The following CAST variants were observed in gnomAD, a reference collection of about 807,000 sequenced individuals.
CAST encodes calpastatin, also known as MIR583 host.
CAST carries 76 observed loss-of-function variants against 119.6 expected under a neutral mutation model. The ratio of observed to expected loss-of-function variants is 0.64; its 90% CI spans 0.53 to 0.77. The LOEUF (loss-of-function observed/expected upper bound fraction) is 0.77, where lower values mean the gene tolerates loss of function less well. Ranked by LOEUF, CAST falls within the 30% of genes least tolerant of loss-of-function variation. The probability of loss-of-function intolerance (pLI) is 0.00; values close to 1 mark genes in which losing one functional copy is unlikely to be tolerated. For synonymous variants in CAST, 319 were observed against 331.6 expected, an observed-to-expected ratio of 0.96 and a Z score of 0.41; for missense variants, 953 against 946.5, an observed-to-expected ratio of 1.01 and a Z score of -0.09.
intron 1 of CAST, among the ~76,000 whole-genome samples, chr5:96,649,768 A>G (rs1266550651): frequency 6.6e-6 from 1 of 152,244 alleles, no homozygotes; most frequent in East Asian, 1.9e-4. Flanking sequence ...CGGCATTCAA[A>G]CTGTAAAATA....
the CAST span, chr5:96,425,727 AT>A: frequency 2.0e-5 from 13 of 658,976 alleles, no homozygotes; most frequent in African/African-American, 1.5e-4. Context: ...ATTCTCCATC[AT>A]AAAAAAAAAA....
chr5:96,747,510 A>G, intron 18 of CAST, 118 bp downstream of exon 18: 1 of 600,686 alleles, frequency 1.7e-6, no homozygotes, highest in Non-Finnish European at 2.9e-6. Context: ...CCTAGTACAG[A>G]GGAAAGGGGA....
the CAST span, among the ~76,000 whole-genome samples, chr5:96,078,157 C>T: frequency 6.6e-6 from 1 of 152,160 alleles, no homozygotes; most frequent in Non-Finnish European, 1.5e-5. Context: ...CTAATTCCAT[C>T]GTGACAGCCC....
At chr5:96,447,247 G>A in the CAST span, among the ~76,000 whole-genome samples, 3 of 152,264 alleles carry the variant, frequency 2.0e-5, no homozygotes, top group Admixed American at 6.5e-5. Flanking sequence ...ACAGCTGAAA[G>A]CATGCAGGCC....
Position 96,577,638 on chromosome 5 carries a change from G to C in CAST, c.60+47758G>C, listed in dbSNP as rs374185369. On this transcript the variant is annotated intron_variant, in intron 1 of 11. Transcript: ENST00000505143. Reference sequence around the variant, plus strand: ...TTTCCTTTGAGACTCCCTGTTTGACGTATGAAATATTTAGAAGCATGTTAT... The same window carrying C: ...TTTCCTTTGAGACTCCCTGTTTGACCTATGAAATATTTAGAAGCATGTTAT... 4.0e-5 allele frequency among the ~76,000 whole-genome samples: 6 copies of C among 151,886 alleles called. 1 individual carries two copies. Among genetic ancestry groups the C allele is most frequent in the Non-Finnish European group, 8.8e-5 (6 of 67,958 alleles).
In CAST at chr5:96,727,477, T is replaced by A. The variant is rs1759483600; in HGVS notation, c.337-12T>A. ...TTCCTTCCTTTTTTTCTTTCTTTTT[T>A]TCTGAACTTAGGCTGTAAAAACAGA... is the stretch of plus-strand genomic sequence containing the variant. On this transcript the variant is annotated splice_polypyrimidine_tract_variant and intron_variant, in intron 5 of 31. Transcript: ENST00000675179. The A allele has an allele frequency of 6.7e-7, 1 of 1,495,404 alleles. No individual in the cohort carries two copies. The highest frequency in any genetic ancestry group is 1.4e-5 in the African/African-American group (1 of 71,078). 92.6% of individuals were successfully genotyped at this position (1,495,404 alleles called of 1,614,324 possible). A position where few individuals can be genotyped will look rare whatever the true frequency, so the allele number is the denominator to read the frequency against.
the CAST span, chr5:96,393,257 C>T: frequency 1.7e-5 from 28 of 1,613,934 alleles, no homozygotes; most frequent in East Asian, 2.7e-4. Context: ...TTGCAGGAGT[C>T]GCAGCATGGC....
At chr5:96,044,473 G>A in the CAST span, among the ~76,000 whole-genome samples, 1 of 152,120 alleles carries the variant, frequency 6.6e-6, no homozygotes, top group Non-Finnish European at 1.5e-5. Flanking sequence ...CTAGCCTCCA[G>A]TACTATGAGA....
chr5:95,999,256 G>A, the CAST span, among the ~76,000 whole-genome samples: 1 of 152,004 alleles, frequency 6.6e-6, no homozygotes, highest in Non-Finnish European at 1.5e-5. Context: ...TGTCTGGCTT[G>A]TTTTGCCTTG....
chr5:96,574,438 T>A (rs1015244722), intron 1 of CAST, among the ~76,000 whole-genome samples: 11 of 152,226 alleles, frequency 7.2e-5, no homozygotes, highest in Non-Finnish European at 1.0e-4. Flanking sequence ...TAGGTACTAG[T>A]CATTTATTGA....
chr5:96,595,410 GTCACT>G (rs1747036500), intron 1 of CAST, among the ~76,000 whole-genome samples: 1 of 152,176 alleles, frequency 6.6e-6, no homozygotes, highest in South Asian at 2.1e-4. Context: ...CTGGGAATTC[GTCACT>G]AGGGAAGCTG....
At chr5:96,555,726 G>A (rs1746225727) in intron 1 of CAST, among the ~76,000 whole-genome samples, 1 of 152,242 alleles carries the variant, frequency 6.6e-6, no homozygotes, top group African/African-American at 2.4e-5. Flanking sequence ...AAAGCGGCCA[G>A]GAAGCTCAAA....
At chr5:96,664,564 A>C (rs1401808320) in intron 1 of CAST, among the ~76,000 whole-genome samples, 3 of 152,178 alleles carry the variant, frequency 2.0e-5, no homozygotes, top group Non-Finnish European at 4.4e-5. Context: ...CTGGGCCTAC[A>C]GGTGCTTTTT....
At chr5:95,965,768 A>G in the CAST span, among the ~76,000 whole-genome samples, 1 of 152,228 alleles carries the variant, frequency 6.6e-6, no homozygotes, top group African/African-American at 2.4e-5. Flanking sequence ...TGGAAGCTTG[A>G]TAGTTTTAAA....
chr5:96,613,169 T>C (rs1387118626), intron 1 of CAST, among the ~76,000 whole-genome samples: 1 of 152,224 alleles, frequency 6.6e-6, no homozygotes, highest in East Asian at 1.9e-4. Flanking sequence ...GAATTTTCTA[T>C]TCCTAGCTGT....
chr5:96,263,308 G>C, the CAST span, among the ~76,000 whole-genome samples: 1 of 152,086 alleles, frequency 6.6e-6, no homozygotes, highest in Non-Finnish European at 1.5e-5. Context: ...GGGTGGAGAA[G>C]GGTGGGGGTT....
At chr5:96,386,577 T>A in the CAST span, among the ~76,000 whole-genome samples, 10 of 152,256 alleles carry the variant, frequency 6.6e-5, no homozygotes, top group Admixed American at 6.5e-4. Flanking sequence ...ATCTGTTTGG[T>A]TCTAAAGTCC....
the CAST span, among the ~76,000 whole-genome samples, chr5:96,266,390 C>T: frequency 6.6e-6 from 1 of 152,072 alleles, no homozygotes; most frequent in Non-Finnish European, 1.5e-5. Flanking sequence ...TCAGGAGTAA[C>T]TGAATAAAGA....
chr5:96,165,194 A>G, the CAST span, among the ~76,000 whole-genome samples: 1 of 140,040 alleles, frequency 7.1e-6, no homozygotes, highest in South Asian at 2.3e-4. Flanking sequence ...TTTTCCCACT[A>G]GCTAAAATGA....
Sources: gnomAD v4.1 joint callset for allele counts (sites outside exome capture counted in the v4.1 genomes callset) on GRCh38, gnomAD v4.1.1 for gene constraint, MANE v1.5 for transcripts, NCBI Gene and HGNC (gene_info 2026-07-23, HGNC 2026-07-21) for gene names.